OPCML: variants seen among roughly 807,000 people sequenced by gnomAD.
The protein encoded by OPCML is opioid binding protein/cell adhesion molecule like.
A neutral mutation model predicts 37.8 loss-of-function variants in OPCML; 13 were observed. That is an observed-to-expected ratio of 0.34 (90% CI 0.22 to 0.55). The LOEUF (loss-of-function observed/expected upper bound fraction) is 0.55, where lower values mean the gene tolerates loss of function less well. Ranked by LOEUF, OPCML falls within the 20% of genes least tolerant of loss-of-function variation. OPCML has a pLI of 0.91. For missense variants in OPCML, 341 were observed against 435.6 expected (o/e 0.78, Z 1.93); for synonymous variants, 176 against 168.8 (o/e 1.04, Z -0.33).
At chr11:133,250,146 C>A (rs548247800) in intron 1 of OPCML, among the ~76,000 whole-genome samples, 1 of 152,290 alleles carries the variant, frequency 6.6e-6, no homozygotes, top group African/African-American at 2.4e-5. Context: ...AACTTCAAGC[C>A]CCCCTTGGGG....
Position 133,417,581 on chromosome 11 carries a change from C to A in OPCML, c.61+114683G>T, listed in dbSNP as rs1016273378. ...CATGTGCCATGTTGGTGTGCTGCAC[C>A]CATTAACTGGTCATTTAGCATTAGG... On this transcript the variant is annotated intron_variant, in intron 1 of 7. Coordinates refer to ENST00000524381, the MANE Select transcript of OPCML (RefSeq NM_001012393.5). Among the ~76,000 whole-genome samples the A allele has an allele frequency of 2.0e-5, 3 of 151,552 alleles. No individual in the cohort carries two copies. The East Asian group carries it at 5.8e-4, about 29-fold the overall frequency.
chr11:132,484,117 A>G (rs1259675646), intron 4 of OPCML, among the ~76,000 whole-genome samples: 1 of 152,172 alleles, frequency 6.6e-6, no homozygotes, highest in Admixed American at 6.5e-5. Context: ...AACTACCTTC[A>G]GAGTGAACAG....
At chr11:133,360,766 A>T (rs1317152020) in intron 1 of OPCML, 1 of 152,228 alleles carries the variant, frequency 6.6e-6, no homozygotes, top group African/African-American at 2.4e-5. Flanking sequence ...AGGAACACAG[A>T]TGTTGGAGTC....
intron 1 of OPCML, among the ~76,000 whole-genome samples, chr11:133,439,611 G>A (rs996371626): frequency 2.2e-4 from 33 of 151,976 alleles, no homozygotes; most frequent in Admixed American, 1.3e-4. Context: ...GGGACTACAG[G>A]TGCCCGCCAC....
intron 1 of OPCML, among the ~76,000 whole-genome samples, chr11:132,976,304 G>T (rs990400991): frequency 1.3e-5 from 2 of 152,146 alleles, no homozygotes; most frequent in Admixed American, 6.5e-5. Flanking sequence ...GGGGGGAGGG[G>T]TTAAAATTCA....
At chr11:132,541,573 G>C (rs2096356739) in intron 3 of OPCML, among the ~76,000 whole-genome samples, 1 of 149,984 alleles carries the variant, frequency 6.7e-6, no homozygotes. Context: ...TAAGTGTCAA[G>C]TGACACTGTG....
intron 2 of OPCML, among the ~76,000 whole-genome samples, chr11:132,699,866 T>G (rs2917570): frequency 0.5 from 75,811 of 151,854 alleles, 19,082 homozygotes; most frequent in Admixed American, 0.57. Context: ...CTCATAAAAC[T>G]AGTTTGGAAT....
At chr11:132,555,668 G>C (rs2096393795) in intron 3 of OPCML, among the ~76,000 whole-genome samples, 1 of 152,064 alleles carries the variant, frequency 6.6e-6, no homozygotes, top group African/African-American at 2.4e-5. Context: ...AAGAAAGGAG[G>C]GGATGAATGA....
intron 1 of OPCML, among the ~76,000 whole-genome samples, chr11:132,989,282 T>C (rs529536128): frequency 6.6e-6 from 1 of 152,244 alleles, no homozygotes; most frequent in Admixed American, 6.5e-5. Flanking sequence ...TATTCATAAA[T>C]TAGAATAATC....
At chr11:132,767,337 C>T (rs1432758399) in intron 2 of OPCML, among the ~76,000 whole-genome samples, 2 of 152,130 alleles carry the variant, frequency 1.3e-5, no homozygotes, top group African/African-American at 2.4e-5. Context: ...TAGTAATAGC[C>T]TTATTTTACA....
chr11:132,991,149 G>T (rs1946767666), intron 1 of OPCML, among the ~76,000 whole-genome samples: 1 of 152,170 alleles, frequency 6.6e-6, no homozygotes, highest in African/African-American at 2.4e-5. Flanking sequence ...ACCTGCCAAA[G>T]CGTCACACAA....
intron 1 of OPCML, among the ~76,000 whole-genome samples, chr11:133,258,883 C>G (rs1010364100): frequency 3.3e-5 from 5 of 152,206 alleles, no homozygotes; most frequent in Non-Finnish European, 7.3e-5. Context: ...CCTGGGCATC[C>G]GCTCTGCTTT....
At chr11:132,977,917 G>A (rs1946499233) in intron 1 of OPCML, among the ~76,000 whole-genome samples, 2 of 152,152 alleles carry the variant, frequency 1.3e-5, no homozygotes, top group South Asian at 4.1e-4. Flanking sequence ...ACAGTCCCTG[G>A]AGAACATCAG....
chr11:133,437,171 T>C (rs1225824571), intron 1 of OPCML, among the ~76,000 whole-genome samples: 1 of 152,230 alleles, frequency 6.6e-6, no homozygotes, highest in East Asian at 1.9e-4. Context: ...TGTTGCCTAA[T>C]GATCAGGACC....
In OPCML at chr11:132,983,786, C is replaced by T. The variant is rs1946636467; in HGVS notation, c.62-40776G>A. On this transcript the variant is annotated intron_variant, in intron 1 of 7. Transcript: ENST00000524381. ...AATAAAAATATCAGCACATCTTGCCCACATATGGCTATGTGTTCTTCTGAG... is the reference window on the plus strand; with the variant it reads ...AATAAAAATATCAGCACATCTTGCCTACATATGGCTATGTGTTCTTCTGAG... 2.6e-5 allele frequency among the ~76,000 whole-genome samples: 4 copies of T among 152,292 alleles called. No individual in the cohort carries two copies. In the South Asian group the frequency reaches 8.3e-4, roughly 32 times the overall value.
intron 3 of OPCML, among the ~76,000 whole-genome samples, chr11:132,620,570 A>T (rs973789611): frequency 6.6e-6 from 1 of 152,198 alleles, no homozygotes; most frequent in African/African-American, 2.4e-5. Flanking sequence ...CGCTTTACCA[A>T]CACTGGCTAC....
At chr11:132,598,914 G>T (rs951290359) in intron 3 of OPCML, among the ~76,000 whole-genome samples, 3 of 152,110 alleles carry the variant, frequency 2.0e-5, no homozygotes, top group Non-Finnish European at 4.4e-5. Context: ...CTTTAGCTCA[G>T]CCCTGAGTTT....
chr11:133,329,725 C>T (rs1283922833), intron 1 of OPCML, among the ~76,000 whole-genome samples: 1 of 152,078 alleles, frequency 6.6e-6, no homozygotes, highest in Non-Finnish European at 1.5e-5. Context: ...GACCTAAAAC[C>T]ATAAAAAACC....
intron 1 of OPCML, among the ~76,000 whole-genome samples, chr11:133,484,814 A>C (rs1430727508): frequency 6.6e-6 from 1 of 152,100 alleles, no homozygotes; most frequent in Admixed American, 6.5e-5. Flanking sequence ...TTACATTAAA[A>C]TATAAAGGGA....
Sources: gnomAD v4.1 joint callset for allele counts (sites outside exome capture counted in the v4.1 genomes callset) on GRCh38, gnomAD v4.1.1 for gene constraint, MANE v1.5 for transcripts, NCBI Gene and HGNC (gene_info 2026-07-23, HGNC 2026-07-21) for gene names.